Variants in KLC4 observed in about 807,000 individuals in gnomAD.
The protein encoded by KLC4 is kinesin light chain 4.
KLC4 carries 49 observed loss-of-function variants against 77.2 expected under a neutral mutation model. The observed-to-expected ratio is 0.63, with a 90% CI of 0.50 to 0.80. The LOEUF is 0.80. Ranked by LOEUF, KLC4 falls within the 30% of genes least tolerant of loss-of-function variation. KLC4 has a pLI of 0.00. For missense variants in KLC4, 669 were observed against 793.5 expected, an observed-to-expected ratio of 0.84 and a Z score of 1.89; for synonymous variants, 274 against 314.5, an observed-to-expected ratio of 0.87 and a Z score of 1.36.
At chr6:43,060,312 T>G (rs62417468) in intron 1 of KLC4, 1 of 1,610,818 alleles carries the variant, frequency 6.2e-7, no homozygotes, top group African/African-American at 1.3e-5. Flanking sequence ...TCTCATTCCC[T>G]TCCTGGGAGA....
intron 11 of KLC4, 38 bp downstream of exon 11, chr6:43,071,960 C>T: frequency 8.9e-6 from 14 of 1,577,460 alleles, no homozygotes; most frequent in Non-Finnish European, 1.1e-5. Flanking sequence ...GCCTCCGATG[C>T]CCTCCATCCA....
intron 6 of KLC4, chr6:43,067,314 T>G: frequency 1.1e-6 from 1 of 937,138 alleles, no homozygotes; most frequent in Non-Finnish European, 1.5e-6. Flanking sequence ...ATTTAATTAA[T>G]AGATAAGTCA....
chr6:43,073,677 G>A (rs1765840342), intron 14 of KLC4: 1 of 571,330 alleles, frequency 1.8e-6, no homozygotes, highest in African/African-American at 1.9e-5. Flanking sequence ...AAAAAGATAT[G>A]GTAAAGCAGG....
Position 43,063,106 on chromosome 6 carries a change from C to A in KLC4, c.448C>A (p.Leu150Met), listed in dbSNP as rs919651921. The change falls in exon 3 of 16, where the codon CTG (leucine) becomes ATG (methionine). Residue 150 changes from leucine (L) to methionine (M), a missense_variant. Leu to Met is a conservative substitution (Grantham distance 15). Coordinates refer to ENST00000347162, the MANE Select transcript of KLC4 (RefSeq NM_201521.3). ...GGAGGAAAAGAAGCACCTGGAGTTC[C>A]TGGGGCAGCTGCGGCAGTATGATGA... ...LEEEKKHLEF[L>M]GQLRQYDEDG... is the part of the protein sequence containing the mutation. 1 of 1,614,146 alleles carries A rather than the reference C, an allele frequency of 6.2e-7. No individual in the cohort carries two copies. Among genetic ancestry groups the A allele is most frequent in the South Asian group, 1.1e-5 (1 of 91,080 alleles).
At position 43,063,162 on chromosome 6, in the gene KLC4, G is replaced by A. The variant is rs2150351646; in HGVS notation, c.489+15G>A. ...GACATACCTCGGTGAGTGTGCACAG[G>A]CGAGACTGGCTGAGGGGTGGGCAGC... On this transcript the variant is annotated intron_variant, in intron 3 of 15. Coordinates refer to ENST00000347162, the MANE Select transcript of KLC4 (RefSeq NM_201521.3). 1.3e-6 allele frequency: 2 copies of A among 1,591,846 alleles called. No individual in the cohort carries two copies. Among genetic ancestry groups the A allele is most frequent in the East Asian group, 4.5e-5 (2 of 44,570 alleles).
chr6:43,070,930 G>T, intron 8 of KLC4, 65 bp downstream of exon 8: 1 of 471,030 alleles, frequency 2.1e-6, no homozygotes. Flanking sequence ...GGGGGGAGGG[G>T]GGGCAGGCGG....
chr6:43,061,714 T>C (rs1765174471), intron 2 of KLC4, 121 bp downstream of exon 2: 2 of 996,446 alleles, frequency 2.0e-6, no homozygotes, highest in Non-Finnish European at 1.4e-6. Context: ...TCATTAAATA[T>C]GTATTAAGTC....
rs769518387 is a variant in KLC4 at position 43,066,011 on chromosome 6, GC to G, written c.572-289del. 1.1e-4 allele frequency among the ~76,000 whole-genome samples: 17 copies of G among 152,302 alleles called. No individual in the cohort carries two copies. The East Asian group carries it at 2.9e-3, about 26-fold the overall frequency. On this transcript the variant is annotated intron_variant, in intron 4 of 15. Coordinates refer to ENST00000347162, the MANE Select transcript of KLC4 (RefSeq NM_201521.3). The stretch of plus-strand genomic sequence containing the variant: ...TAAACCTGAGACAGGGAGACCATGA[GC>G]CCCCCAAGGGAAAGAACCAGGTCTT...
intron 8 of KLC4, 68 bp downstream of exon 8, chr6:43,070,933 GC>G: frequency 5.5e-6 from 2 of 360,518 alleles, no homozygotes; most frequent in South Asian, 2.3e-5. Context: ...GGGAGGGGGG[GC>G]AGGCGGAGAG....
intron 3 of KLC4, among the ~76,000 whole-genome samples, chr6:43,063,790 G>C (rs1164142510): frequency 6.6e-6 from 1 of 151,978 alleles, no homozygotes; most frequent in East Asian, 1.9e-4. Context: ...CTGACCTCAG[G>C]TGGTCTGCCC....
chr6:43,069,777 A>T (rs894186595), intron 6 of KLC4, among the ~76,000 whole-genome samples: 2 of 151,948 alleles, frequency 1.3e-5, no homozygotes, highest in African/African-American at 4.8e-5. Context: ...CGAACTCCTG[A>T]CCTCAGGTGA....
intron 1 of KLC4, chr6:43,060,538 G>GGCTGCAGAACAGTTTCTT: frequency 7.8e-7 from 1 of 1,275,742 alleles, no homozygotes; most frequent in South Asian, 1.5e-5. Flanking sequence ...CTGACTCTCT[G>GGCTGCAGAACAGTTTCTT]GCTGCAGAAC....
intron 3 of KLC4, 48 bp downstream of exon 3, chr6:43,063,195 T>C: frequency 6.9e-7 from 1 of 1,442,680 alleles, no homozygotes; most frequent in East Asian, 2.3e-5. Flanking sequence ...AGCCGGGAGT[T>C]ACCACAGACA....
At chr6:43,061,620 G>T (rs1169675064) in intron 2 of KLC4, 27 bp downstream of exon 2, 2 of 1,589,778 alleles carry the variant, frequency 1.3e-6, no homozygotes, top group African/African-American at 1.3e-5. Context: ...GGTGCCAAGT[G>T]GTCCAGGGTG....
At chr6:43,068,240 A>G (rs891682580) in intron 6 of KLC4, among the ~76,000 whole-genome samples, 10 of 150,840 alleles carry the variant, frequency 6.6e-5, no homozygotes, top group African/African-American at 2.2e-4. Context: ...TTGGGAGGCC[A>G]AGGTGGGCAA....
chr6:43,070,505 A>C (rs1765665379), intron 7 of KLC4, 50 bp downstream of exon 7: 2 of 1,484,842 alleles, frequency 1.3e-6, no homozygotes, highest in African/African-American at 1.4e-5. Flanking sequence ...ACCCTTCTCT[A>C]CATGGCTCCT....
intron 6 of KLC4, among the ~76,000 whole-genome samples, chr6:43,068,111 C>CAAAAAAAAA (rs763158428): frequency 6.7e-4 from 17 of 25,226 alleles, no homozygotes; most frequent in Non-Finnish European, 8.8e-4. Context: ...GACTCCGTCT[C>CAAAAAAAAA]AAAAAAAAAA....
chr6:43,060,561 G>T, intron 1 of KLC4: 1 of 1,237,232 alleles, frequency 8.1e-7, no homozygotes, highest in Non-Finnish European at 1.0e-6. Flanking sequence ...TTTCTTCCGT[G>T]CTCTGGCCTG....
Position 43,061,600 on chromosome 6 carries a change from G to A in KLC4, c.258+7G>A, listed in dbSNP as rs1205918601. 1 of 1,603,892 alleles carries A rather than the reference G, an allele frequency of 6.2e-7. No individual in the cohort carries two copies. The highest frequency in any genetic ancestry group is 2.2e-5 in the East Asian group (1 of 44,622). On this transcript the variant is annotated splice_region_variant and intron_variant, in intron 2 of 15. Coordinates refer to ENST00000347162, the MANE Select transcript of KLC4 (RefSeq NM_201521.3). Reference sequence around the variant, plus strand: ...CGGGCTGAGTGAGGCCCAGGTGAGAGGGCAAAGGTGGTGCCAAGTGGTCCA... The same window carrying A: ...CGGGCTGAGTGAGGCCCAGGTGAGAAGGCAAAGGTGGTGCCAAGTGGTCCA...
Sources: allele counts gnomAD v4.1 joint callset (sites outside exome capture counted in the v4.1 genomes callset), GRCh38; gene constraint gnomAD v4.1.1; transcripts MANE v1.5; gene names NCBI Gene and HGNC (gene_info 2026-07-23, HGNC 2026-07-21).